Variants in ALG9 observed in about 807,000 individuals in gnomAD.
ALG9 encodes alpha-1,2-mannosyltransferase ALG9.
Under a neutral mutation model 81.8 loss-of-function variants are expected in ALG9, and 55 were observed. The observed-to-expected ratio is 0.67, with a 90% CI of 0.54 to 0.84. ALG9 has a LOEUF of 0.84. ALG9 is among the 40% of genes least tolerant of loss of function. The pLI is 0.00. For synonymous variants in ALG9, 278 were observed against 274.3 expected (o/e 1.01, Z -0.13); for missense variants, 629 against 745.0 (o/e 0.84, Z 1.81).
In ALG9 at chr11:111,838,416, T is replaced by C. The variant is rs1955682499; in HGVS notation, c.1174-17A>G. On this transcript the variant is annotated splice_polypyrimidine_tract_variant and intron_variant, in intron 10 of 14. Transcript: ENST00000616540. The stretch of plus-strand genomic sequence containing the variant: ...AAAACTGTGCTGATAAAAGAAAATA[T>C]AATTTGTAGAATATACATAATTACA... The C allele has an allele frequency of 3.1e-6, 5 of 1,595,992 alleles. No individual in the cohort carries two copies. The highest frequency in any genetic ancestry group is 4.3e-6 in the Non-Finnish European group (5 of 1,164,750).
chr11:111,817,194 T>C (rs1192434173), intron 13 of ALG9: 1 of 152,202 alleles, frequency 6.6e-6, no homozygotes, highest in East Asian at 1.9e-4. Context: ...GAATCTATTC[T>C]AGGTTTTTCA....
intron 1 of ALG9, chr11:111,870,882 C>T: frequency 1.0e-6 from 1 of 1,001,226 alleles, no homozygotes; most frequent in Non-Finnish European, 1.2e-6. Flanking sequence ...AGCCTAGGTG[C>T]AAGGTACATA....
chr11:111,808,302 T>A (rs1157246643), intron 14 of ALG9, among the ~76,000 whole-genome samples: 1 of 152,114 alleles, frequency 6.6e-6, no homozygotes, highest in Non-Finnish European at 1.5e-5. Flanking sequence ...TAATTACCTA[T>A]AAAGTCACTG....
intron 13 of ALG9, among the ~76,000 whole-genome samples, chr11:111,823,369 A>G (rs1952738446): frequency 6.6e-6 from 1 of 152,236 alleles, no homozygotes; most frequent in African/African-American, 2.4e-5. Context: ...ATCATTACAT[A>G]CATTTCCATA....
At chr11:111,776,860 T>C in the ALG9 span, among the ~76,000 whole-genome samples, 1 of 152,226 alleles carries the variant, frequency 6.6e-6, no homozygotes, top group Admixed American at 6.5e-5. Context: ...ACCCATGGCC[T>C]AGGCATGGGG....
chr11:111,838,987 C>G (rs1234225545), intron 10 of ALG9, among the ~76,000 whole-genome samples: 1 of 152,136 alleles, frequency 6.6e-6, no homozygotes, highest in Admixed American at 6.6e-5. Context: ...ACAGAAACTA[C>G]TTACAGAAAG....
At chr11:111,815,794 G>A (rs1951386044) in intron 13 of ALG9, among the ~76,000 whole-genome samples, 1 of 152,164 alleles carries the variant, frequency 6.6e-6, no homozygotes, top group South Asian at 2.1e-4. Context: ...CTGGTAAACT[G>A]TAAAGGACTA....
intron 1 of ALG9, 40 bp downstream of exon 1, chr11:111,871,312 C>T: frequency 7.2e-7 from 1 of 1,385,540 alleles, no homozygotes; most frequent in Non-Finnish European, 9.2e-7. Flanking sequence ...CCCGAACCGC[C>T]CCGCCGGCCG....
chr11:111,794,201 C>A (rs1947899344), intron 14 of ALG9, among the ~76,000 whole-genome samples: 1 of 152,196 alleles, frequency 6.6e-6, no homozygotes, highest in Non-Finnish European at 1.5e-5. Flanking sequence ...GGCTGCCAGT[C>A]CCTGATGTCA....
At position 111,844,652 on chromosome 11, in the gene ALG9, G is replaced by A. The variant is rs782232493; in HGVS notation, c.967C>T (p.Leu323=). 7.4e-6 allele frequency: 12 copies of A among 1,614,034 alleles called. No homozygotes were observed. In the South Asian group the frequency reaches 1.2e-4, roughly 16 times the overall value. ...NFNVAFALAL[L]VLPLTSLMEY... is the part of the protein sequence containing the mutation. ...ATAAGAGAAGTCAGTGGTAGGACTA[G>A]GAGAGCCAAAGCAAAGGCTACATTG... Residue 323 remains leucine (L), a synonymous_variant, in exon 9 of 15, where the codon CTA becomes TTA. Transcript: ENST00000616540.
At chr11:111,834,722 C>G (rs946539989) in intron 13 of ALG9, among the ~76,000 whole-genome samples, 18 of 152,130 alleles carry the variant, frequency 1.2e-4, no homozygotes. Context: ...TTCATACTGT[C>G]CCCCTATGAC....
chr11:111,869,727 G>A (rs1255309826), intron 2 of ALG9, among the ~76,000 whole-genome samples: 2 of 152,160 alleles, frequency 1.3e-5, no homozygotes, highest in Non-Finnish European at 2.9e-5. Context: ...AGTGGCTCAC[G>A]CCTGTAATCC....
chr11:111,859,813 T>C (rs1203927540), intron 5 of ALG9, among the ~76,000 whole-genome samples: 1 of 152,112 alleles, frequency 6.6e-6, no homozygotes, highest in Non-Finnish European at 1.5e-5. Context: ...TGTTTTTGTG[T>C]ATACTCTGTA....
At chr11:111,824,702 C>T (rs575812005) in intron 13 of ALG9, among the ~76,000 whole-genome samples, 1 of 152,296 alleles carries the variant, frequency 6.6e-6, no homozygotes, top group South Asian at 2.1e-4. Context: ...ATATACTTTA[C>T]AATCTAAGAA....
At chr11:111,787,276 C>G (rs1565560451) in intron 14 of ALG9, among the ~76,000 whole-genome samples, 1 of 151,286 alleles carries the variant, frequency 6.6e-6, no homozygotes, top group African/African-American at 2.4e-5. Context: ...ATTAAAAATA[C>G]AAAAAAATTA....
chr11:111,863,399 T>C (rs1592389725), intron 4 of ALG9, among the ~76,000 whole-genome samples: 1 of 152,296 alleles, frequency 6.6e-6, no homozygotes, highest in East Asian at 1.9e-4. Flanking sequence ...AGCTTAGGGC[T>C]TGAAGGACCA....
chr11:111,804,179 T>C (rs1555083021), intron 14 of ALG9, among the ~76,000 whole-genome samples: 1 of 142,664 alleles, frequency 7.0e-6, no homozygotes, highest in South Asian at 2.2e-4. Context: ...ACTGAAAGTA[T>C]AAAACTCCTA....
the ALG9 span, among the ~76,000 whole-genome samples, chr11:111,772,565 T>C: frequency 6.6e-6 from 1 of 152,216 alleles, no homozygotes; most frequent in Admixed American, 6.5e-5. Flanking sequence ...TAACCTATCC[T>C]CTCTGAATCT....
At chr11:111,830,390 G>T (rs888859910) in intron 13 of ALG9, among the ~76,000 whole-genome samples, 5 of 152,058 alleles carry the variant, frequency 3.3e-5, no homozygotes, top group African/African-American at 9.7e-5. Context: ...CATATTTGTT[G>T]ATTGAATCTT....
Sources: allele counts gnomAD v4.1 joint callset (sites outside exome capture counted in the v4.1 genomes callset), GRCh38; gene constraint gnomAD v4.1.1; transcripts MANE v1.5; gene names NCBI Gene and HGNC (gene_info 2026-07-23, HGNC 2026-07-21).